Variants in PIEZO2 observed in about 807,000 individuals in gnomAD.
PIEZO2 encodes piezo type mechanosensitive ion channel component 2.
In PIEZO2, 172 loss-of-function variants were observed where a neutral mutation model predicts 337.3. That is an observed-to-expected ratio of 0.51 (90% CI 0.45 to 0.58). The LOEUF is 0.58. Among genes scored for constraint, PIEZO2 ranks in the 20% least tolerant of loss-of-function variants. The probability of loss-of-function intolerance (pLI) is 0.00; values close to 1 mark genes in which losing one functional copy is unlikely to be tolerated. For synonymous variants in PIEZO2, 1,251 were observed against 1,228.5 expected, an observed-to-expected ratio of 1.02 and a Z score of -0.38; for missense variants, 3,028 against 3,391.3, an observed-to-expected ratio of 0.89 and a Z score of 2.66.
At position 11,066,108 on chromosome 18, in the gene PIEZO2, G is replaced by A. The variant is rs920055006; in HGVS notation, c.160+19C>T. 5 of 1,506,362 alleles carry A rather than the reference G, an allele frequency of 3.3e-6. No individual in the cohort carries two copies. The highest frequency in any genetic ancestry group is 1.4e-5 in the African/African-American group (1 of 72,438). The allele number at this position is 1,506,362 out of a possible 1,614,324, so 93.3% of individuals were successfully genotyped here. On this transcript the variant is annotated intron_variant, in intron 2 of 55. Coordinates refer to ENST00000674853, the MANE Select transcript of PIEZO2 (RefSeq NM_001378183.1). ...CAGACTGTATAACTCTGTGGTATAC[G>A]ATAACAAAATTCTCTTACCTTGCAT...
rs1478211383 is a variant in PIEZO2, at chr18:10,953,542, C to A, written c.286+25993G>T. On this transcript the variant is annotated intron_variant, in intron 3 of 55. Coordinates refer to ENST00000674853, the MANE Select transcript of PIEZO2 (RefSeq NM_001378183.1). This position sits in a 1 kb window ranked among gnomAD's most constrained non-coding sequence, Gnocchi z 5.2. ...GTATCTCTATGGAAAATCAAGTGGC[C>A]GTGCACATACATGTGGGTCTATTTC... 6.6e-6 allele frequency among the ~76,000 whole-genome samples: 1 copy of A among 151,942 alleles called. No homozygotes were observed. Among genetic ancestry groups the A allele is most frequent in the Non-Finnish European group, 1.5e-5 (1 of 68,028 alleles).
intron 3 of PIEZO2, among the ~76,000 whole-genome samples, chr18:10,912,590 A>T (rs1483304345): frequency 6.6e-6 from 1 of 152,220 alleles, no homozygotes; most frequent in Non-Finnish European, 1.5e-5. Context: ...CCTAAAGTCA[A>T]ATTAAACTCG....
rs898652339 is a variant in PIEZO2 at position 10,894,076 on chromosome 18, T to C, written c.329+17110A>G. Among the ~76,000 whole-genome samples the C allele has an allele frequency of 1.3e-5, 2 of 152,080 alleles. No homozygotes were observed. The highest frequency in any genetic ancestry group is 6.5e-5 in the Admixed American group (1 of 15,272). ...CAAGGAAAGGCCGTCTCCGTATAGATAGAAAGACACCCGAAACTGGTGATC... is the reference window on the plus strand; with the variant it reads ...CAAGGAAAGGCCGTCTCCGTATAGACAGAAAGACACCCGAAACTGGTGATC... On this transcript the variant is annotated intron_variant, in intron 4 of 55. Coordinates refer to ENST00000674853, the MANE Select transcript of PIEZO2 (RefSeq NM_001378183.1). This position sits in a 1 kb window ranked among gnomAD's most constrained non-coding sequence, Gnocchi z 4.1.
rs910802101 is a variant in PIEZO2 at position 10,673,581 on chromosome 18, A to G, written c.8162-708T>C. Among the ~76,000 whole-genome samples the G allele has an allele frequency of 1.3e-5, 2 of 152,214 alleles. No homozygotes were observed. The highest frequency in any genetic ancestry group is 4.8e-5 in the African/African-American group (2 of 41,452). On this transcript the variant is annotated intron_variant, in intron 54 of 55. Transcript: ENST00000674853. This position sits in a 1 kb window ranked among gnomAD's most constrained non-coding sequence, Gnocchi z 4.8. ...GCTCAGCAAATCTCTGAGAACCATA[A>G]TATCGGGTCAGTGATTACTTTTATT...
At chr18:10,739,247 C>G (rs766570219) in intron 33 of PIEZO2, 1 of 152,186 alleles carries the variant, frequency 6.6e-6, no homozygotes, top group Non-Finnish European at 1.5e-5. Flanking sequence ...CTATGAATTA[C>G]ACACATTTCT....
At chr18:10,757,929 A>G in intron 27 of PIEZO2, 40 bp downstream of exon 27, 1 of 1,489,568 alleles carries the variant, frequency 6.7e-7, no homozygotes, top group Non-Finnish European at 9.0e-7. Context: ...GGAAATGCAC[A>G]CATCAAAGTG....
Position 10,770,192 on chromosome 18 carries a change from T to A in PIEZO2, c.2902A>T (p.Ile968Phe), listed in dbSNP as rs1226967553. 2.0e-6 allele frequency: 3 copies of A among 1,537,340 alleles called. No homozygotes were observed. The highest frequency in any genetic ancestry group is 4.9e-5 in the East Asian group (2 of 40,916). The change falls in exon 21 of 56, where the codon ATC (isoleucine) becomes TTC (phenylalanine). Residue 968 changes from isoleucine to phenylalanine, a missense_variant. Ile to Phe is a conservative substitution (Grantham distance 21, BLOSUM62 0). Transcript: ENST00000674853. ...ATAATGTAAGAGGAAACGATTTTGA[T>A]GATGTGCAACTCCAAAATCCACCAC... ...FMWWILELHIIKIVSSYIIWV... is the reference protein window; with the variant it reads ...FMWWILELHIFKIVSSYIIWV...
At chr18:10,802,777 C>T (rs2039869318) in intron 9 of PIEZO2, among the ~76,000 whole-genome samples, 2 of 152,038 alleles carry the variant, frequency 1.3e-5, no homozygotes, top group African/African-American at 4.8e-5. Context: ...CAAGACCAGC[C>T]AGGGCAACAT....
intron 27 of PIEZO2, among the ~76,000 whole-genome samples, chr18:10,754,283 G>T (rs1347316374): frequency 1.3e-5 from 2 of 152,258 alleles, no homozygotes; most frequent in African/African-American, 4.8e-5. Context: ...TGGCTAAGGG[G>T]CCACCTAACT....
At chr18:10,917,864 A>G (rs1016203088) in intron 3 of PIEZO2, among the ~76,000 whole-genome samples, 1 of 152,214 alleles carries the variant, frequency 6.6e-6, no homozygotes, top group African/African-American at 2.4e-5. Flanking sequence ...TGTACCACTC[A>G]TAACTTTTCT....
At chr18:11,024,009 G>C (rs112137978) in intron 2 of PIEZO2, among the ~76,000 whole-genome samples, 1 of 152,172 alleles carries the variant, frequency 6.6e-6, no homozygotes, top group African/African-American at 2.4e-5. Flanking sequence ...CGCAGCCCCA[G>C]TTCCCGCCTG....
chr18:10,997,665 G>C (rs1426274108), intron 2 of PIEZO2, among the ~76,000 whole-genome samples: 1 of 152,076 alleles, frequency 6.6e-6, no homozygotes, highest in Non-Finnish European at 1.5e-5. Flanking sequence ...GAGCAGAGTG[G>C]TAATGACAAA....
chr18:11,061,102 T>C (rs554447753), intron 2 of PIEZO2, among the ~76,000 whole-genome samples: 5 of 152,252 alleles, frequency 3.3e-5, no homozygotes, highest in African/African-American at 9.6e-5. Context: ...TGGTTCAACA[T>C]ACGAAAATCA....
At chr18:10,928,198 C>G (rs908215004) in intron 3 of PIEZO2, among the ~76,000 whole-genome samples, 13 of 152,230 alleles carry the variant, frequency 8.5e-5, no homozygotes, top group African/African-American at 3.1e-4. Flanking sequence ...AGCGGGGGAG[C>G]TATGAGGGAA....
chr18:10,986,149 C>A (rs2034862353), intron 2 of PIEZO2, among the ~76,000 whole-genome samples: 1 of 151,938 alleles, frequency 6.6e-6, no homozygotes, highest in Admixed American at 6.6e-5. Context: ...TGAACTCTAC[C>A]AAATATTTAA....
At chr18:11,029,711 C>T (rs1027559720) in intron 2 of PIEZO2, among the ~76,000 whole-genome samples, 14 of 152,274 alleles carry the variant, frequency 9.2e-5, no homozygotes, top group African/African-American at 2.9e-4. Flanking sequence ...GGCCTTTGCA[C>T]TTACCATCCT....
At chr18:11,117,731 C>G (rs1412858428) in intron 1 of PIEZO2, among the ~76,000 whole-genome samples, 2 of 152,160 alleles carry the variant, frequency 1.3e-5, no homozygotes, top group Non-Finnish European at 2.9e-5. Context: ...ACCTTTAAAA[C>G]ATGTTGGGTG....
Position 10,979,070 on chromosome 18 carries a change from C to T in PIEZO2, c.286+465G>A, listed in dbSNP as rs2034560597. Among the ~76,000 whole-genome samples, 1 of 152,016 alleles carries T rather than the reference C, an allele frequency of 6.6e-6. No individual in the cohort carries two copies. The highest frequency in any genetic ancestry group is 2.4e-5 in the African/African-American group (1 of 41,420). ...AGAAAAGAAACTACATGTGTCATTA[C>T]ATTTTTCCCATAAAAACATGAGAAA... On this transcript the variant is annotated intron_variant, in intron 3 of 55. Coordinates refer to ENST00000674853, the MANE Select transcript of PIEZO2 (RefSeq NM_001378183.1). This position sits in a 1 kb window ranked among gnomAD's most constrained non-coding sequence, Gnocchi z 4.0.
chr18:10,951,689 C>T (rs1315688479), intron 3 of PIEZO2, among the ~76,000 whole-genome samples: 2 of 152,132 alleles, frequency 1.3e-5, no homozygotes, highest in Non-Finnish European at 2.9e-5. Flanking sequence ...CTTTTGGGAA[C>T]CACTTCTTTT....
Sources: allele counts gnomAD v4.1 joint callset (sites outside exome capture counted in the v4.1 genomes callset), GRCh38; gene constraint gnomAD v4.1.1; non-coding constraint Gnocchi (gnomAD v3.1); transcripts MANE v1.5; gene names NCBI Gene and HGNC (gene_info 2026-07-23, HGNC 2026-07-21).